The following ZSCAN25 variants were observed in gnomAD, a reference collection of about 807,000 sequenced individuals.
ZSCAN25 encodes zinc finger and SCAN domain containing 25.
A neutral mutation model predicts 38.7 loss-of-function variants in ZSCAN25; 27 were observed. The observed-to-expected ratio is 0.70, with a 90% CI of 0.51 to 0.96. The LOEUF (loss-of-function observed/expected upper bound fraction) is 0.96, where lower values mean the gene tolerates loss of function less well. Among genes scored for constraint, ZSCAN25 ranks in the 40% least tolerant of loss-of-function variants. ZSCAN25 has a pLI of 0.00. For synonymous variants in ZSCAN25, 273 were observed against 277.7 expected, an observed-to-expected ratio of 0.98 and a Z score of 0.17; for missense variants, 637 against 705.9, an observed-to-expected ratio of 0.90 and a Z score of 1.11.
Position 99,630,916 on chromosome 7 carries a change from T to C in ZSCAN25, c.*896T>C. ...GAGTCTGAAAGATGAACTCTAGTAT[T>C]AATGCCCTATATTTGATGGCACTTT... On this transcript the variant is annotated 3_prime_UTR_variant, in exon 8 of 8. Coordinates refer to ENST00000394152, the MANE Select transcript of ZSCAN25 (RefSeq NM_145115.3). 1.0e-6 allele frequency: 1 copy of C among 975,346 alleles called. No individual in the cohort carries two copies. The highest frequency in any genetic ancestry group is 4.7e-5 in the South Asian group (1 of 21,074). The allele number at this position is 975,346 out of a possible 1,614,324, so 60.4% of individuals were successfully genotyped here.
the ZSCAN25 span, among the ~76,000 whole-genome samples, chr7:99,697,172 C>T: frequency 1.3e-5 from 2 of 152,182 alleles, no homozygotes; most frequent in African/African-American, 4.8e-5. Flanking sequence ...ACAAAGCAGT[C>T]AGTTTATTGC....
At chr7:99,646,488 T>C in the ZSCAN25 span, among the ~76,000 whole-genome samples, 1 of 152,226 alleles carries the variant, frequency 6.6e-6, no homozygotes, top group African/African-American at 2.4e-5. Context: ...TAATAGTTCT[T>C]TGGTGGAGTC....
chr7:99,629,990 C>T lies in ZSCAN25; in HGVS notation c.1605C>T (p.Thr535=), dbSNP rs1321403405. 3.2e-6 allele frequency: 5 copies of T among 1,583,666 alleles called. No homozygotes were observed. Among genetic ancestry groups the T allele is most frequent in the Non-Finnish European group, 4.3e-6 (5 of 1,165,274 alleles). ...CCATCCTCAACCGGCACCAGAAGAC[C>T]CAGCACCGCCAGGAGCCGCTGGTGC... ...QRSILNRHQK[T]QHRQEPLVQ Residue 535 remains threonine, a synonymous_variant, in exon 8 of 8, where the codon ACC becomes ACT. Coordinates refer to ENST00000394152, the MANE Select transcript of ZSCAN25 (RefSeq NM_145115.3). The surrounding 1 kb of genome is among the most constrained non-coding windows in gnomAD (Gnocchi z 5.6).
rs769631881 is a variant in ZSCAN25, at chr7:99,619,742, C to A, written c.136C>A (p.Arg46=). 2.5e-6 allele frequency: 4 copies of A among 1,614,232 alleles called. No homozygotes were observed. Among genetic ancestry groups the A allele is most frequent in the Non-Finnish European group, 2.5e-6 (3 of 1,180,036 alleles). ...TCCAGAGACTTTTCGGCTGAGGTTT[C>A]GGCAGTTCCGCTACCAGGAGGCAGC... ...PSPETFRLRF[R]QFRYQEAAGP... Residue 46 remains arginine (R), a synonymous_variant, in exon 4 of 8, where the codon CGG becomes AGG. Coordinates refer to ENST00000394152, the MANE Select transcript of ZSCAN25 (RefSeq NM_145115.3).
chr7:99,715,413 A>G, the ZSCAN25 span: 1 of 315,742 alleles, frequency 3.2e-6, no homozygotes, highest in African/African-American at 2.2e-5. Context: ...AATACAGACT[A>G]AAGTACAAAT....
At chr7:99,712,097 T>C in the ZSCAN25 span, among the ~76,000 whole-genome samples, 1 of 152,232 alleles carries the variant, frequency 6.6e-6, no homozygotes. Context: ...ATTTTTTTCC[T>C]GAGAGAAGCT....
chr7:99,707,327 G>T, the ZSCAN25 span, among the ~76,000 whole-genome samples: 1 of 152,064 alleles, frequency 6.6e-6, no homozygotes, highest in Non-Finnish European at 1.5e-5. Context: ...CCACACTCTG[G>T]GCAAATTAGT....
the ZSCAN25 span, chr7:99,652,581 T>A: frequency 6.2e-7 from 1 of 1,613,352 alleles, no homozygotes; most frequent in Non-Finnish European, 8.5e-7. Context: ...TCAGGCTCTG[T>A]CCAGTACTTT....
the ZSCAN25 span, among the ~76,000 whole-genome samples, chr7:99,682,018 G>C: frequency 2.0e-5 from 3 of 152,088 alleles, no homozygotes; most frequent in Non-Finnish European, 2.9e-5. Context: ...GCCCAGGCTG[G>C]GGTGCATTGT....
chr7:99,699,410 C>T, the ZSCAN25 span, among the ~76,000 whole-genome samples: 1 of 152,042 alleles, frequency 6.6e-6, no homozygotes, highest in Non-Finnish European at 1.5e-5. Flanking sequence ...GACAGCTTCC[C>T]GTGAAGTCTT....
chr7:99,661,292 A>G, the ZSCAN25 span, among the ~76,000 whole-genome samples: 1 of 152,210 alleles, frequency 6.6e-6, no homozygotes, highest in African/African-American at 2.4e-5. Flanking sequence ...TACTGAATCA[A>G]AATCCAAACT....
chr7:99,672,918 GA>G, the ZSCAN25 span: 7 of 1,301,780 alleles, frequency 5.4e-6, no homozygotes, highest in Non-Finnish European at 6.8e-6. Context: ...AAGAGATATT[GA>G]AAGACAAAAG....
chr7:99,701,258 C>T, the ZSCAN25 span, among the ~76,000 whole-genome samples: 1 of 152,144 alleles, frequency 6.6e-6, no homozygotes, highest in Non-Finnish European at 1.5e-5. Context: ...GCAGTTCCAG[C>T]CACGTTATTA....
the ZSCAN25 span, among the ~76,000 whole-genome samples, chr7:99,637,502 G>A: frequency 3.5e-4 from 53 of 152,266 alleles, no homozygotes; most frequent in African/African-American, 1.3e-3. Flanking sequence ...TGTTAAGTTA[G>A]CTACGTTATG....
the ZSCAN25 span, among the ~76,000 whole-genome samples, chr7:99,692,486 G>T: frequency 2.0e-5 from 3 of 152,202 alleles, no homozygotes; most frequent in Non-Finnish European, 4.4e-5. Context: ...ATCCTGAAGA[G>T]TGTTTTCTGA....
At chr7:99,706,785 G>A in the ZSCAN25 span, among the ~76,000 whole-genome samples, 1 of 152,214 alleles carries the variant, frequency 6.6e-6, no homozygotes, top group Non-Finnish European at 1.5e-5. Flanking sequence ...ATATTTGTAT[G>A]CAAACCAATC....
the ZSCAN25 span, chr7:99,720,342 C>T: frequency 6.2e-7 from 1 of 1,613,526 alleles, no homozygotes; most frequent in South Asian, 1.1e-5. Flanking sequence ...GAATAACATT[C>T]TTTCACTAGC....
chr7:99,726,642 G>C, the ZSCAN25 span, among the ~76,000 whole-genome samples: 1 of 152,148 alleles, frequency 6.6e-6, no homozygotes, highest in African/African-American at 2.4e-5. Flanking sequence ...AGGCTTCTGG[G>C]ACAGCCCTCA....
At chr7:99,623,703 A>G (rs543794029) in intron 6 of ZSCAN25, among the ~76,000 whole-genome samples, 37 of 152,240 alleles carry the variant, frequency 2.4e-4, no homozygotes, top group Non-Finnish European at 4.4e-4. Context: ...TTCGTGGTGC[A>G]GTGAGTGAGA....
Sources: gnomAD v4.1 joint callset for allele counts (sites outside exome capture counted in the v4.1 genomes callset) on GRCh38, gnomAD v4.1.1 for gene constraint, Gnocchi (gnomAD v3.1) non-coding constraint, MANE v1.5 for transcripts, NCBI Gene and HGNC (gene_info 2026-07-23, HGNC 2026-07-21) for gene names.